COBL: variants seen among roughly 807,000 people sequenced by gnomAD.
The protein encoded by COBL is cordon-bleu WH2 repeat protein, also known as protein cordon-bleu.
Under a neutral mutation model 98.8 loss-of-function variants are expected in COBL, and 51 were observed. The ratio of observed to expected loss-of-function variants is 0.52; its 90% CI spans 0.41 to 0.65. COBL has a LOEUF of 0.65. COBL is among the 30% of genes least tolerant of loss of function. The pLI is 0.00. For missense variants in COBL, 1,617 were observed against 1,617.5 expected, an observed-to-expected ratio of 1.00 and a Z score of 0.01; for synonymous variants, 634 against 651.7, an observed-to-expected ratio of 0.97 and a Z score of 0.41.
intron 1 of COBL, among the ~76,000 whole-genome samples, chr7:51,283,704 C>G (rs947373707): frequency 6.6e-6 from 1 of 152,030 alleles, no homozygotes; most frequent in Non-Finnish European, 1.5e-5. Context: ...AGGCTTATCT[C>G]AAACACCTGA....
chr7:51,254,254 CCTT>C (rs1471744258), intron 1 of COBL, among the ~76,000 whole-genome samples: 3 of 152,044 alleles, frequency 2.0e-5, no homozygotes, highest in Admixed American at 6.6e-5. Flanking sequence ...TGTAAAGTGA[CCTT>C]CATAGATGAG....
Position 51,017,029 on chromosome 7 carries a change from GA to G in COBL, c.*521del. 3 of 403,650 alleles carry G rather than the reference GA, an allele frequency of 7.4e-6. No homozygotes were observed. The highest frequency in any genetic ancestry group is 8.7e-6 in the Non-Finnish European group (2 of 229,364). The allele number at this position is 403,650 out of a possible 1,614,324, so 25.0% of individuals were successfully genotyped here. A position where few individuals can be genotyped will look rare whatever the true frequency, so the allele number is the denominator to read the frequency against. Reference sequence around the variant, plus strand: ...TTTACTACCTAACAAAGCCACCTTTGAAAAGCCTCCCAATTTTTTTTTCTTA... The same window carrying G: ...TTTACTACCTAACAAAGCCACCTTTGAAAGCCTCCCAATTTTTTTTTCTTA... On this transcript the variant is annotated 3_prime_UTR_variant, in exon 13 of 13. Transcript: ENST00000265136.
At chr7:51,182,239 A>G (rs986548316) in intron 5 of COBL, among the ~76,000 whole-genome samples, 2 of 151,974 alleles carry the variant, frequency 1.3e-5, no homozygotes, top group African/African-American at 4.8e-5. Context: ...CCAACAAGAC[A>G]ACATTCAAAG....
intron 2 of COBL, among the ~76,000 whole-genome samples, chr7:51,195,974 T>C (rs1055256472): frequency 3.3e-5 from 5 of 152,186 alleles, no homozygotes; most frequent in Admixed American, 6.5e-5. Flanking sequence ...CTCTTCCTAT[T>C]TGTATGCCCT....
In COBL at chr7:51,184,159, A is replaced by G. The variant is rs1426020831; in HGVS notation, c.726T>C (p.Asp242=). 36 of 1,570,902 alleles carry G rather than the reference A, an allele frequency of 2.3e-5. No homozygotes were observed. Among genetic ancestry groups the G allele is most frequent in the Non-Finnish European group, 2.5e-5 (29 of 1,156,882 alleles). The part of the protein sequence containing the change: ...RKSSLGNDET[D]KEKKKFLGFF... ...ATCCCAGAAATTTTTTCTTCTCTTT[A>G]TCTGTCTCATCATTGCCAAGTGATG... The change falls in exon 5 of 13, where the codon GAT becomes GAC. Residue 242 remains aspartate, a synonymous_variant. Transcript: ENST00000265136.
chr7:51,077,776 C>T (rs1023678037), intron 7 of COBL, among the ~76,000 whole-genome samples: 4 of 152,174 alleles, frequency 2.6e-5, no homozygotes, highest in African/African-American at 7.2e-5. Flanking sequence ...TCCTCTGCTC[C>T]AGAAAAGCAG....
chr7:51,307,806 G>C lies in COBL; in HGVS notation c.41+8787C>G, dbSNP rs74707456. ...TATTTCTGAGAAGTGGTAAAGTGTA[G>C]CAATTTAGAGCGTTGTCACAGCATG... On this transcript the variant is annotated intron_variant, in intron 1 of 12. Coordinates refer to ENST00000265136, the MANE Select transcript of COBL (RefSeq NM_015198.5). Among the ~76,000 whole-genome samples the C allele has an allele frequency of 3.1e-4, 47 of 152,320 alleles. No homozygotes were observed. In the East Asian group the frequency reaches 8.5e-3, roughly 28 times the overall value.
chr7:51,309,367 C>T (rs1377852115), intron 1 of COBL, among the ~76,000 whole-genome samples: 1 of 152,170 alleles, frequency 6.6e-6, no homozygotes, highest in African/African-American at 2.4e-5. Context: ...GAACGCTGCA[C>T]CCCAACACCA....
chr7:51,099,858 A>AT (rs1430764439), intron 6 of COBL, among the ~76,000 whole-genome samples: 1 of 152,058 alleles, frequency 6.6e-6, no homozygotes, highest in African/African-American at 2.4e-5. Flanking sequence ...AAACCTTTCC[A>AT]TTTTTTCTGT....
intron 5 of COBL, among the ~76,000 whole-genome samples, chr7:51,163,222 T>C (rs1366264637): frequency 1.3e-5 from 2 of 152,172 alleles, no homozygotes; most frequent in Admixed American, 1.3e-4. Context: ...CAGACTAGGA[T>C]CAATGGCGTG....
intron 7 of COBL, among the ~76,000 whole-genome samples, chr7:51,074,718 T>C (rs2128927376): frequency 6.6e-6 from 1 of 152,330 alleles, no homozygotes; most frequent in Admixed American, 6.5e-5. Flanking sequence ...GTTCTCAGGT[T>C]TCTTAACTAA....
chr7:51,091,903 C>T (rs976740752), intron 6 of COBL, among the ~76,000 whole-genome samples: 5 of 152,252 alleles, frequency 3.3e-5, no homozygotes, highest in East Asian at 1.9e-4. Context: ...AGAAAAAAAA[C>T]GCCACCTGCC....
At chr7:51,090,509 G>T (rs1478642374) in intron 6 of COBL, among the ~76,000 whole-genome samples, 1 of 152,182 alleles carries the variant, frequency 6.6e-6, no homozygotes, top group African/African-American at 2.4e-5. Context: ...TTTTCAGGGG[G>T]GCTGCCTGAG....
At chr7:51,170,661 T>C (rs1261256189) in intron 5 of COBL, among the ~76,000 whole-genome samples, 3 of 151,818 alleles carry the variant, frequency 2.0e-5, no homozygotes, top group African/African-American at 7.3e-5. Context: ...GAGGACATTA[T>C]GTTAAGTGAA....
At chr7:51,313,586 T>C (rs1320865739) in intron 1 of COBL, among the ~76,000 whole-genome samples, 1 of 152,210 alleles carries the variant, frequency 6.6e-6, no homozygotes, top group Non-Finnish European at 1.5e-5. Context: ...TGTTTTGACA[T>C]TTCATGTCAT....
chr7:51,261,894 G>T (rs1797753837), intron 1 of COBL, among the ~76,000 whole-genome samples: 2 of 152,300 alleles, frequency 1.3e-5, no homozygotes, highest in African/African-American at 4.8e-5. Flanking sequence ...GTTGCAGTGA[G>T]CCAAGATCAC....
chr7:51,058,936 G>C (rs1791046274), intron 7 of COBL, among the ~76,000 whole-genome samples: 1 of 152,244 alleles, frequency 6.6e-6, no homozygotes, highest in Non-Finnish European at 1.5e-5. Flanking sequence ...TTCTCGGCAG[G>C]TCTGCATGGG....
At chr7:51,112,658 C>A (rs1220151101) in intron 6 of COBL, among the ~76,000 whole-genome samples, 1 of 152,114 alleles carries the variant, frequency 6.6e-6, no homozygotes, top group Admixed American at 6.5e-5. Context: ...TCCTTTGCAC[C>A]TTTGGGTCTC....
At chr7:51,184,318 G>C (rs984132580) in intron 4 of COBL, 119 bp from the exon 5 acceptor site, 11 of 583,622 alleles carry the variant, frequency 1.9e-5, no homozygotes, top group Admixed American at 3.7e-5. Flanking sequence ...TTGTAAGAGA[G>C]GGAAAGCCAT....
Sources: allele counts gnomAD v4.1 joint callset (sites outside exome capture counted in the v4.1 genomes callset), GRCh38; gene constraint gnomAD v4.1.1; transcripts MANE v1.5; gene names NCBI Gene and HGNC (gene_info 2026-07-23, HGNC 2026-07-21).